The following MAGI1 variants were observed in gnomAD, a reference collection of about 807,000 sequenced individuals.
MAGI1 encodes the protein membrane-associated guanylate kinase, WW and PDZ domain-containing protein 1.
Under a neutral mutation model 139.9 loss-of-function variants are expected in MAGI1, and 58 were observed. That is an observed-to-expected ratio of 0.41 (90% CI 0.34 to 0.52). MAGI1 has a LOEUF of 0.52. MAGI1 is among the 20% of genes least tolerant of loss of function. The pLI is 0.12. For synonymous variants in MAGI1, 812 were observed against 737.9 expected, an observed-to-expected ratio of 1.10 and a Z score of -1.63; for missense variants, 1,874 against 1,901.6, an observed-to-expected ratio of 0.99 and a Z score of 0.27.
intron 2 of MAGI1, among the ~76,000 whole-genome samples, chr3:65,595,157 G>T (rs540685809): frequency 1.3e-5 from 2 of 152,252 alleles, no homozygotes; most frequent in African/African-American, 4.8e-5. Flanking sequence ...CATATGCCAA[G>T]AATGAATAGA....
At chr3:65,373,984 CTATAAAGTTCACTTTCTAGCAGTTAGTA>C (rs1186974650) in intron 18 of MAGI1, among the ~76,000 whole-genome samples, 1 of 152,170 alleles carries the variant, frequency 6.6e-6, no homozygotes, top group African/African-American at 2.4e-5. Context: ...AAATCTTGAA[CTATAAAGTTCACTTTCTAGCAGTTAGTA>C]TATAAAAATA....
chr3:65,914,512 C>A (rs1250261066), intron 1 of MAGI1, among the ~76,000 whole-genome samples: 1 of 152,120 alleles, frequency 6.6e-6, no homozygotes, highest in East Asian at 1.9e-4. Flanking sequence ...TCAAGCCAAG[C>A]CTCAAGGCAT....
At chr3:65,363,420 C>A in intron 21 of MAGI1, 45 bp downstream of exon 21, 1 of 1,558,016 alleles carries the variant, frequency 6.4e-7, no homozygotes, top group Non-Finnish European at 8.7e-7. Flanking sequence ...GAATTCACTG[C>A]AGATGGTTTC....
intron 1 of MAGI1, among the ~76,000 whole-genome samples, chr3:65,992,974 G>A (rs543991380): frequency 6.6e-6 from 1 of 152,148 alleles, no homozygotes; most frequent in Non-Finnish European, 1.5e-5. Flanking sequence ...ACAGGCACAC[G>A]CCATCATGCC....
intron 1 of MAGI1, among the ~76,000 whole-genome samples, chr3:65,667,790 C>T (rs568819714): frequency 6.6e-6 from 1 of 152,188 alleles, no homozygotes; most frequent in East Asian, 1.9e-4. Flanking sequence ...TCTCGAACTC[C>T]TGGGCACAAG....
At chr3:65,505,353 T>C (rs1234888536) in intron 2 of MAGI1, among the ~76,000 whole-genome samples, 1 of 149,316 alleles carries the variant, frequency 6.7e-6, no homozygotes, top group Non-Finnish European at 1.5e-5. Flanking sequence ...TAATGCTAAA[T>C]ACTGAATGTT....
rs1271160552 is a variant in MAGI1 at position 65,571,094 on chromosome 3, T to C, written c.430+50878A>G. Among the ~76,000 whole-genome samples, 5 of 152,228 alleles carry C rather than the reference T, an allele frequency of 3.3e-5. No homozygotes were observed. In the East Asian group the frequency reaches 9.6e-4, roughly 29 times the overall value. Reference sequence around the variant, plus strand: ...AAAACCTATAAACCAGTTTGCTTTTTATTGCTTTTCATTACAATTTTGAAC... The same window carrying C: ...AAAACCTATAAACCAGTTTGCTTTTCATTGCTTTTCATTACAATTTTGAAC... On this transcript the variant is annotated intron_variant, in intron 2 of 22. Transcript: ENST00000402939.
intron 2 of MAGI1, among the ~76,000 whole-genome samples, chr3:65,552,076 T>C (rs1484105700): frequency 6.6e-6 from 1 of 152,178 alleles, no homozygotes; most frequent in African/African-American, 2.4e-5. Flanking sequence ...TATTAGGTCA[T>C]TCATTGTTTG....
chr3:65,459,490 C>T (rs530442506), intron 5 of MAGI1, among the ~76,000 whole-genome samples: 18 of 152,268 alleles, frequency 1.2e-4, no homozygotes, highest in African/African-American at 4.3e-4. Context: ...TTGCTGAACT[C>T]GCTTATTATA....
rs191402953 is a variant in MAGI1 at position 65,530,612 on chromosome 3, G to A, written c.431-36981C>T. Among the ~76,000 whole-genome samples, 162 of 132,188 alleles carry A rather than the reference G, an allele frequency of 1.2e-3. 2 individuals are homozygous for A. The highest frequency in any genetic ancestry group is 1.6e-3 in the Non-Finnish European group (104 of 63,644). 86.7% of individuals were successfully genotyped at this position (132,188 alleles called of 152,430 possible). ...CTGGGCAACACAGCAAGACACATACGTATGTGTGTGTGGTGTGTGTGTGTG... is the reference window on the plus strand; with the variant it reads ...CTGGGCAACACAGCAAGACACATACATATGTGTGTGTGGTGTGTGTGTGTG... On this transcript the variant is annotated intron_variant, in intron 2 of 22. Coordinates refer to ENST00000402939, the MANE Select transcript of MAGI1 (RefSeq NM_001033057.2).
chr3:65,741,466 G>A (rs377360544), intron 1 of MAGI1, among the ~76,000 whole-genome samples: 6 of 152,262 alleles, frequency 3.9e-5, no homozygotes, highest in Admixed American at 1.3e-4. Flanking sequence ...GAGCCGCCAC[G>A]CCTGGCCTAT....
intron 1 of MAGI1, among the ~76,000 whole-genome samples, chr3:65,669,318 C>G (rs565914901): frequency 1.8e-4 from 28 of 152,306 alleles, no homozygotes; most frequent in African/African-American, 6.0e-4. Context: ...CCCATTGAAA[C>G]TCTTGCAAAA....
chr3:65,685,591 C>A (rs1319831608), intron 1 of MAGI1, among the ~76,000 whole-genome samples: 1 of 152,156 alleles, frequency 6.6e-6, no homozygotes, highest in Non-Finnish European at 1.5e-5. Flanking sequence ...AAGAAACTAT[C>A]TGAGGTGGTC....
At chr3:65,604,397 A>G (rs974405908) in intron 2 of MAGI1, among the ~76,000 whole-genome samples, 7 of 151,928 alleles carry the variant, frequency 4.6e-5, no homozygotes, top group African/African-American at 1.7e-4. Flanking sequence ...ACTGCTGGAG[A>G]AAGGCAAGCA....
At chr3:65,486,787 A>G (rs1470912407) in intron 3 of MAGI1, among the ~76,000 whole-genome samples, 3 of 151,766 alleles carry the variant, frequency 2.0e-5, no homozygotes, top group African/African-American at 7.3e-5. Flanking sequence ...GTATAATGCT[A>G]CTCTCAGCAT....
intron 1 of MAGI1, among the ~76,000 whole-genome samples, chr3:65,733,875 C>A (rs1012063404): frequency 2.0e-5 from 3 of 152,160 alleles, no homozygotes; most frequent in African/African-American, 7.2e-5. Context: ...TTGTAGGAGG[C>A]CATGTCACTA....
At chr3:65,442,662 A>G (rs1001209296) in intron 8 of MAGI1, 130 bp downstream of exon 8, 25 of 612,142 alleles carry the variant, frequency 4.1e-5, no homozygotes, top group African/African-American at 7.4e-5. Context: ...ATATGCATAC[A>G]TATTTTCATC....
At chr3:65,908,363 G>T (rs2061521822) in intron 1 of MAGI1, among the ~76,000 whole-genome samples, 1 of 151,756 alleles carries the variant, frequency 6.6e-6, no homozygotes, top group Non-Finnish European at 1.5e-5. Flanking sequence ...GAGCACAGTG[G>T]TGCAATCTCA....
In MAGI1 at chr3:65,470,365, G is replaced by A. The variant is rs766025451; in HGVS notation, c.877C>T (p.Leu293Phe). ...GGACCTAAATTATCCTCTGCAGAAA[G>A]AGGTAGGTATTGAGGGAACTTCTGA... ...PSQKFPQYLPLSAEDNLGPLP... is the reference protein window; with the variant it reads ...PSQKFPQYLPFSAEDNLGPLP... Residue 293 changes from leucine (L) to phenylalanine (F), a missense_variant, in exon 5 of 23, where the codon CTT becomes TTT. Around this residue, in one of 5 missense-constraint regions of MAGI1, gnomAD observed 648 missense variants for 598.1 expected, o/e 1.08. Transcript: ENST00000402939. 1.2e-6 allele frequency: 2 copies of A among 1,613,816 alleles called. No homozygotes were observed. Among genetic ancestry groups the A allele is most frequent in the Non-Finnish European group, 1.7e-6 (2 of 1,179,814 alleles).
Sources: gnomAD v4.1 joint callset for allele counts (sites outside exome capture counted in the v4.1 genomes callset) on GRCh38, gnomAD v4.1.1 for gene constraint, gnomAD v4.1.1 regional missense constraint, MANE v1.5 for transcripts, NCBI Gene and HGNC (gene_info 2026-07-23, HGNC 2026-07-21) for gene names.